Variants in ANO4 observed in about 807,000 individuals in gnomAD.
ANO4 encodes anoctamin-4.
Under a neutral mutation model 141.9 loss-of-function variants are expected in ANO4, and 69 were observed. The ratio of observed to expected loss-of-function variants is 0.49; its 90% CI spans 0.40 to 0.59. ANO4 has a LOEUF of 0.59. Ranked by LOEUF, ANO4 falls within the 20% of genes least tolerant of loss-of-function variation. The pLI is 0.00. For missense variants in ANO4, 894 were observed against 1,162.2 expected (o/e 0.77, Z 3.36); for synonymous variants, 350 against 394.3 (o/e 0.89, Z 1.33).
chr12:101,048,461 T>C (rs2047725449), intron 14 of ANO4, 60 bp downstream of exon 14: 12 of 1,455,858 alleles, frequency 8.2e-6, no homozygotes, highest in African/African-American at 1.4e-5. Context: ...ATATATTCCT[T>C]TAGAAGTTTC....
intron 3 of ANO4, 50 bp from the exon 4 acceptor site, chr12:100,939,265 C>A: frequency 6.4e-7 from 1 of 1,564,216 alleles, no homozygotes; most frequent in Non-Finnish European, 8.7e-7. Flanking sequence ...GCATTGCTTT[C>A]AAGATCCCAG....
At chr12:100,729,360 CA>C (rs1156522144) in intron 1 of ANO4, among the ~76,000 whole-genome samples, 1,464 of 22,412 alleles carry the variant, frequency 0.065, 1 homozygote, top group Non-Finnish European at 0.092. Flanking sequence ...AACTCTGTCT[CA>C]AAAAAAAAAA....
At chr12:101,048,441 A>G in intron 14 of ANO4, 40 bp downstream of exon 14, 1 of 1,547,698 alleles carries the variant, frequency 6.5e-7, no homozygotes, top group East Asian at 2.2e-5. Context: ...TTTTCCTCAT[A>G]TGCCCTATGA....
intron 3 of ANO4, among the ~76,000 whole-genome samples, chr12:100,757,874 G>T (rs1373054312): frequency 2.0e-5 from 3 of 152,112 alleles, no homozygotes; most frequent in African/African-American, 7.2e-5. Flanking sequence ...TCCTCTGTGG[G>T]TCTTCATCCA....
intron 9 of ANO4, among the ~76,000 whole-genome samples, chr12:101,021,517 G>T (rs1415053571): frequency 6.6e-6 from 1 of 152,174 alleles, no homozygotes; most frequent in Non-Finnish European, 1.5e-5. Context: ...GGCAATGAAG[G>T]TGCATTTGGA....
intron 1 of ANO4, among the ~76,000 whole-genome samples, chr12:100,807,466 G>T (rs1398745169): frequency 6.6e-6 from 1 of 151,894 alleles, no homozygotes; most frequent in African/African-American, 2.4e-5. Flanking sequence ...CTTCCTACAT[G>T]TTTATTTTTC....
chr12:100,757,476 C>G (rs1033661035), intron 3 of ANO4, among the ~76,000 whole-genome samples: 1 of 152,188 alleles, frequency 6.6e-6, no homozygotes, highest in East Asian at 1.9e-4. Context: ...TTCGATTACT[C>G]CTACATACTC....
chr12:100,897,165 G>A (rs187944256), intron 1 of ANO4, among the ~76,000 whole-genome samples: 55 of 152,256 alleles, frequency 3.6e-4, no homozygotes, highest in African/African-American at 1.2e-3. Flanking sequence ...ATCAAGTAAG[G>A]TAGATGATGT....
At chr12:101,030,062 A>G (rs567498862) in intron 9 of ANO4, among the ~76,000 whole-genome samples, 1 of 152,288 alleles carries the variant, frequency 6.6e-6, no homozygotes, top group African/African-American at 2.4e-5. Context: ...TCAATATTAG[A>G]CAGATCAACA....
chr12:100,856,281 T>A (rs970292253), intron 1 of ANO4, among the ~76,000 whole-genome samples: 1 of 152,176 alleles, frequency 6.6e-6, no homozygotes, highest in Non-Finnish European at 1.5e-5. Context: ...CATGGTAGCC[T>A]GTGATTGGCA....
chr12:100,973,085 T>A (rs1028183167), intron 6 of ANO4, among the ~76,000 whole-genome samples: 2 of 152,254 alleles, frequency 1.3e-5, no homozygotes, highest in African/African-American at 4.8e-5. Flanking sequence ...TTTTTAGATA[T>A]AGGAATTCCT....
chr12:100,879,449 C>A (rs1328929824), intron 1 of ANO4, among the ~76,000 whole-genome samples: 2 of 152,094 alleles, frequency 1.3e-5, no homozygotes, highest in Non-Finnish European at 2.9e-5. Flanking sequence ...ATTGTTGTTT[C>A]TCTGTAAAAT....
chr12:101,053,862 C>CA (rs2047981016), intron 14 of ANO4, among the ~76,000 whole-genome samples: 1 of 152,194 alleles, frequency 6.6e-6, no homozygotes, highest in African/African-American at 2.4e-5. Context: ...TACAACAGAA[C>CA]ATGGCTTCAC....
intron 1 of ANO4, among the ~76,000 whole-genome samples, chr12:100,826,720 T>G (rs1321150355): frequency 6.6e-6 from 1 of 152,002 alleles, no homozygotes; most frequent in African/African-American, 2.4e-5. Flanking sequence ...TCAGTGGAGA[T>G]CTCCAAACTT....
rs141433455 is a variant in ANO4, at chr12:100,849,937, G to A, written c.-140-51709G>A. 6.4e-4 allele frequency among the ~76,000 whole-genome samples: 97 copies of A among 152,070 alleles called. 1 individual carries two copies. Among genetic ancestry groups the A allele is most frequent in the Admixed American group, 9.8e-4 (15 of 15,274 alleles). On this transcript the variant is annotated intron_variant, in intron 1 of 27. Transcript: ENST00000392977. ...CAAATACCTGGGACCTTGTGGGCTC[G>A]GGCCATCAAGCAGATGGTCTTTCAG...
chr12:100,975,173 T>C (rs1400917018), intron 7 of ANO4, among the ~76,000 whole-genome samples: 3 of 152,064 alleles, frequency 2.0e-5, no homozygotes, highest in South Asian at 2.1e-4. Context: ...TTTTTTTTTT[T>C]TTAATTTCAA....
At chr12:100,974,788 A>G (rs1432012767) in intron 6 of ANO4, 57 bp from the exon 7 acceptor site, 1 of 1,580,120 alleles carries the variant, frequency 6.3e-7, no homozygotes, top group African/African-American at 1.3e-5. Flanking sequence ...GCTAGTTCAA[A>G]CTGTAACTGA....
chr12:100,942,471 A>G lies in ANO4; in HGVS notation c.392A>G (p.Gln131Arg). The G allele has an allele frequency of 6.2e-7, 1 of 1,614,142 alleles. No individual in the cohort carries two copies. The highest frequency in any genetic ancestry group is 2.2e-5 in the East Asian group (1 of 44,864). ...YILVYRKSNP[Q>R]TEKREVFERN... is the part of the protein sequence containing the mutation. ...CTTGTGTACAGAAAATCCAACCCCC[A>G]GACTGAAAAGAGAGAAGTATTTGAA... Residue 131 changes from glutamine to arginine, a missense_variant, in exon 5 of 28, where the codon CAG becomes CGG. Physicochemically the swap from Gln to Arg is conservative, Grantham distance 43. Transcript: ENST00000392977.
At position 101,120,656 on chromosome 12, in the gene ANO4, C is replaced by T. The variant is rs1336113191; in HGVS notation, c.2676+31C>T. ...TTTCCTCAGCCAAATTCTTTATTTC[C>T]TTTGACATAATGAAGTCAGTAGGAG... On this transcript the variant is annotated intron_variant, in intron 26 of 27. Coordinates refer to ENST00000392977, the MANE Select transcript of ANO4 (RefSeq NM_001286615.2). The T allele has an allele frequency of 3.2e-6, 5 of 1,550,900 alleles. No individual in the cohort carries two copies. The Admixed American group carries it at 5.0e-5, about 16-fold the overall frequency.
Sources: allele counts gnomAD v4.1 joint callset (sites outside exome capture counted in the v4.1 genomes callset), GRCh38; gene constraint gnomAD v4.1.1; transcripts MANE v1.5; gene names NCBI Gene and HGNC (gene_info 2026-07-23, HGNC 2026-07-21).